GPR39: variants seen among roughly 807,000 people sequenced by gnomAD.
The protein encoded by GPR39 is G protein-coupled receptor 39.
GPR39 carries 23 observed loss-of-function variants against 18.4 expected under a neutral mutation model. That is an observed-to-expected ratio of 1.25 (90% CI 0.90 to 1.77). The LOEUF (loss-of-function observed/expected upper bound fraction) is 1.77. GPR39 is among the 40% of genes most tolerant of loss of function. The pLI, the probability that GPR39 is intolerant of heterozygous loss-of-function variation, is 0.00. For missense variants in GPR39, 647 were observed against 602.4 expected (o/e 1.07, Z -0.78); for synonymous variants, 280 against 257.9 (o/e 1.09, Z -0.82).
chr2:132,508,536 A>G (rs889312101), intron 1 of GPR39, among the ~76,000 whole-genome samples: 1 of 152,096 alleles, frequency 6.6e-6, no homozygotes. Flanking sequence ...TTGCTCTGCA[A>G]AGACTGGAAG....
chr2:132,602,772 A>G (rs1223386070), intron 1 of GPR39, among the ~76,000 whole-genome samples: 1 of 152,040 alleles, frequency 6.6e-6, no homozygotes, highest in Non-Finnish European at 1.5e-5. Context: ...AGTGGCCAAT[A>G]AGTATATGAA....
Position 132,417,591 on chromosome 2 carries a change from G to A in GPR39, c.549G>A (p.Val183=), listed in dbSNP as rs760359076. Residue 183 remains valine, a synonymous_variant, in exon 1 of 2, where the codon GTG becomes GTA. Coordinates refer to ENST00000329321, the MANE Select transcript of GPR39 (RefSeq NM_001508.3). ...AMGTEYPLVN[V]PSHRGLTCNR... is the part of the protein sequence containing the mutation. ...GTACTGAGTACCCCCTGGTGAACGT[G>A]CCCAGCCACCGGGGTCTCACTTGCA... The A allele has an allele frequency of 1.9e-6, 3 of 1,614,088 alleles. No homozygotes were observed. Among genetic ancestry groups the A allele is most frequent in the South Asian group, 1.1e-5 (1 of 91,074 alleles).
intron 1 of GPR39, among the ~76,000 whole-genome samples, chr2:132,612,105 T>C (rs1431041109): frequency 3.3e-5 from 5 of 152,190 alleles, no homozygotes; most frequent in Non-Finnish European, 5.9e-5. Context: ...TAAATCATCA[T>C]GTTAAGTTCT....
chr2:132,552,941 TA>T (rs140268953), intron 1 of GPR39, among the ~76,000 whole-genome samples: 20,285 of 146,678 alleles, frequency 0.14, 1,550 homozygotes, highest in Middle Eastern at 0.23. Context: ...CACATATATA[TA>T]TTTTTTTTTT....
At chr2:132,466,551 G>A (rs1680930582) in intron 1 of GPR39, among the ~76,000 whole-genome samples, 1 of 152,156 alleles carries the variant, frequency 6.6e-6, no homozygotes, top group South Asian at 2.1e-4. Flanking sequence ...TGGCAAGTCA[G>A]GCTTCTGGGC....
intron 1 of GPR39, among the ~76,000 whole-genome samples, chr2:132,468,403 A>C (rs1354242886): frequency 1.3e-5 from 2 of 152,194 alleles, no homozygotes; most frequent in Non-Finnish European, 2.9e-5. Context: ...CATAATGAGC[A>C]CCTGAAATTT....
At chr2:132,606,439 T>A (rs1157860209) in intron 1 of GPR39, among the ~76,000 whole-genome samples, 1 of 152,204 alleles carries the variant, frequency 6.6e-6, no homozygotes, top group East Asian at 1.9e-4. Context: ...GGGGTGTGGC[T>A]CACTTCTTTG....
intron 1 of GPR39, among the ~76,000 whole-genome samples, chr2:132,619,165 C>A (rs932359755): frequency 1.3e-5 from 2 of 152,138 alleles, no homozygotes; most frequent in South Asian, 4.1e-4. Context: ...CCAGCAGGTG[C>A]GAGATCATGG....
intron 1 of GPR39, among the ~76,000 whole-genome samples, chr2:132,624,683 A>C (rs1408376582): frequency 6.6e-6 from 1 of 152,182 alleles, no homozygotes; most frequent in Non-Finnish European, 1.5e-5. Context: ...AACAAAATGT[A>C]ATCTTCCGCA....
At chr2:132,436,479 A>C (rs1235030394) in intron 1 of GPR39, among the ~76,000 whole-genome samples, 1 of 151,774 alleles carries the variant, frequency 6.6e-6, no homozygotes, top group East Asian at 1.9e-4. Flanking sequence ...GCCCATTAAA[A>C]CTCGAGGCTG....
intron 1 of GPR39, among the ~76,000 whole-genome samples, chr2:132,551,351 T>A (rs6748885): frequency 0.33 from 50,382 of 152,020 alleles, 8,672 homozygotes; most frequent in African/African-American, 0.42. Context: ...GAATTGGCCA[T>A]GATGCAAAGA....
At chr2:132,499,532 A>C (rs182022905) in intron 1 of GPR39, among the ~76,000 whole-genome samples, 1 of 152,048 alleles carries the variant, frequency 6.6e-6, no homozygotes, top group Admixed American at 6.5e-5. Flanking sequence ...TTTTTTGCTT[A>C]GTCTTGCTTT....
chr2:132,456,913 T>G (rs916853923), intron 1 of GPR39, among the ~76,000 whole-genome samples: 9 of 152,210 alleles, frequency 5.9e-5, no homozygotes, highest in Non-Finnish European at 1.2e-4. Flanking sequence ...CCCTTAACAC[T>G]TTTTCTTTCA....
intron 1 of GPR39, among the ~76,000 whole-genome samples, chr2:132,535,022 C>T (rs574690199): frequency 5.3e-5 from 8 of 151,834 alleles, no homozygotes; most frequent in East Asian, 1.9e-4. Flanking sequence ...CATCTGCAAA[C>T]GGAGATAGTT....
At chr2:132,585,957 T>TG (rs1558848869) in intron 1 of GPR39, among the ~76,000 whole-genome samples, 5 of 138,614 alleles carry the variant, frequency 3.6e-5, no homozygotes, top group East Asian at 4.4e-4. Context: ...GGTTTTTTTT[T>TG]TTTTTTTTTT....
At position 132,417,648 on chromosome 2, in the gene GPR39, C is replaced by G. The variant is rs956853182; in HGVS notation, c.606C>G (p.Pro202=). ...NRSSTRHHEQ[P]ETSNMSICTN... The stretch of plus-strand genomic sequence containing the variant: ...CCAGCACCCGCCACCACGAGCAGCC[C>G]GAGACCTCCAATATGTCCATCTGTA... The change falls in exon 1 of 2, where the codon CCC becomes CCG. Residue 202 remains proline, a synonymous_variant. Transcript: ENST00000329321. The G allele has an allele frequency of 3.1e-6, 5 of 1,614,032 alleles. No individual in the cohort carries two copies. In the African/African-American group the frequency reaches 5.3e-5, roughly 17 times the overall value.
intron 1 of GPR39, among the ~76,000 whole-genome samples, chr2:132,498,666 G>C (rs368390687): frequency 9.9e-5 from 15 of 152,230 alleles, no homozygotes; most frequent in African/African-American, 3.6e-4. Flanking sequence ...TTCCATAGTG[G>C]TTGTGCTAGT....
chr2:132,515,872 T>C (rs1679323611), intron 1 of GPR39, among the ~76,000 whole-genome samples: 1 of 152,194 alleles, frequency 6.6e-6, no homozygotes, highest in Non-Finnish European at 1.5e-5. Context: ...TTTTGTCCTC[T>C]GATTGTATTT....
At chr2:132,469,271 T>C (rs1451410278) in intron 1 of GPR39, among the ~76,000 whole-genome samples, 1 of 152,222 alleles carries the variant, frequency 6.6e-6, no homozygotes, top group East Asian at 1.9e-4. Context: ...ACAGATCCTA[T>C]TCAAGCTAAA....
Sources: gnomAD v4.1 joint callset for allele counts (sites outside exome capture counted in the v4.1 genomes callset) on GRCh38, gnomAD v4.1.1 for gene constraint, MANE v1.5 for transcripts, NCBI Gene and HGNC (gene_info 2026-07-23, HGNC 2026-07-21) for gene names.